The following STK32C variants were observed in gnomAD, a reference collection of about 807,000 sequenced individuals.
STK32C encodes the protein serine/threonine kinase 32C, also known as serine/threonine-protein kinase 32C.
Under a neutral mutation model 56.5 loss-of-function variants are expected in STK32C, and 31 were observed. That is an observed-to-expected ratio of 0.55 (90% CI 0.41 to 0.74). The LOEUF (loss-of-function observed/expected upper bound fraction) is 0.74, where lower values mean the gene tolerates loss of function less well. Among genes scored for constraint, STK32C ranks in the 30% least tolerant of loss-of-function variants. The pLI is 0.00. For synonymous variants in STK32C, 309 were observed against 289.4 expected, an observed-to-expected ratio of 1.07 and a Z score of -0.69; for missense variants, 544 against 676.9, an observed-to-expected ratio of 0.80 and a Z score of 2.18.
chr10:132,323,068 C>G (rs947153522), downstream of STK32C, among the ~76,000 whole-genome samples: 4 of 152,154 alleles, frequency 2.6e-5, no homozygotes, highest in Non-Finnish European at 5.9e-5. The surrounding 1 kb of genome is among the most constrained non-coding windows in gnomAD (Gnocchi z 4.8). Context: ...GTCGGACTCA[C>G]CACCCTTTCA....
chr10:132,299,519 C>T (rs1036386060), intron 1 of STK32C, among the ~76,000 whole-genome samples: 1 of 152,234 alleles, frequency 6.6e-6, no homozygotes, highest in Admixed American at 6.5e-5. Flanking sequence ...ACTGAGACCT[C>T]AGGACAAGAC....
At chr10:132,331,766 G>T in exon 1 of STK32C, 1 of 1,609,902 alleles carries the variant, frequency 6.2e-7, no homozygotes. Context: ...TCTGTGCCAG[G>T]CCGGTCGCCC....
At chr10:132,242,790 T>TG (rs1329451382) in intron 2 of STK32C, among the ~76,000 whole-genome samples, 1 of 152,216 alleles carries the variant, frequency 6.6e-6, no homozygotes, top group Non-Finnish European at 1.5e-5. Context: ...CTCCTGCCCC[T>TG]GTGCCTACTG....
chr10:132,217,765 C>T (rs2137621331), intron 10 of STK32C, among the ~76,000 whole-genome samples: 1 of 152,272 alleles, frequency 6.6e-6, no homozygotes, highest in African/African-American at 2.4e-5. Flanking sequence ...TCTCTCTTTG[C>T]CTGCCGCCAT....
rs917884645 is a variant in STK32C, at chr10:132,220,336, G to A, written c.1251+2305C>T. ...GGGGCAAGGACTGGTTTTCCTCCCC[G>A]GAGAGCCTTCAGAGGGGGCACGGCT... On this transcript the variant is annotated intron_variant, in intron 10 of 11. Transcript: ENST00000298630. 3.9e-5 allele frequency among the ~76,000 whole-genome samples: 6 copies of A among 152,244 alleles called. No individual in the cohort carries two copies. In the South Asian group the frequency reaches 6.2e-4, roughly 16 times the overall value.
chr10:132,259,098 C>T (rs1245723961), intron 1 of STK32C, among the ~76,000 whole-genome samples: 1 of 139,592 alleles, frequency 7.2e-6, no homozygotes, highest in African/African-American at 3.0e-5. Flanking sequence ...GCTGCTGCAC[C>T]GGGTACTGGG....
intron 2 of STK32C, among the ~76,000 whole-genome samples, chr10:132,233,344 T>A (rs1162747054): frequency 6.6e-6 from 1 of 152,182 alleles, no homozygotes; most frequent in Non-Finnish European, 1.5e-5. Context: ...GAGACCCCCC[T>A]GAAGCTGTTC....
At chr10:132,323,834 C>T (rs942231971), downstream of STK32C, among the ~76,000 whole-genome samples, 4 of 150,832 alleles carry the variant, frequency 2.7e-5, no homozygotes, top group African/African-American at 7.5e-5. The surrounding 1 kb of genome is among the most constrained non-coding windows in gnomAD (Gnocchi z 4.8). Context: ...CCCAAGAGAA[C>T]GGCAACAGTT....
At chr10:132,301,850 C>T (rs1286465465) in intron 1 of STK32C, among the ~76,000 whole-genome samples, 1 of 152,232 alleles carries the variant, frequency 6.6e-6, no homozygotes, top group East Asian at 1.9e-4. Flanking sequence ...TTAGAGATCC[C>T]CCTCCAGGCC....
Position 132,294,171 on chromosome 10 carries a change from G to A in STK32C, c.262+13401C>T, listed in dbSNP as rs150164942. Among the ~76,000 whole-genome samples the A allele has an allele frequency of 1.3e-4, 20 of 152,330 alleles. No homozygotes were observed. In the East Asian group the frequency reaches 3.5e-3, roughly 26 times the overall value. ...GTATTTGAACCATGAGATCACCAGC[G>A]TGTGGGTGGAGCGGGAGGTGAAAGA... On this transcript the variant is annotated intron_variant, in intron 1 of 11. Coordinates refer to ENST00000298630, the MANE Select transcript of STK32C (RefSeq NM_173575.4).
intron 2 of STK32C, among the ~76,000 whole-genome samples, chr10:132,237,030 G>A (rs1287252368): frequency 5.3e-5 from 8 of 152,298 alleles, no homozygotes; most frequent in African/African-American, 1.9e-4. Flanking sequence ...CACCCCTAAC[G>A]ACGAGGCCGG....
rs528967961 is a variant in STK32C, at chr10:132,272,931, G to C, written c.263-26976C>G. Among the ~76,000 whole-genome samples, 86 of 152,214 alleles carry C rather than the reference G, an allele frequency of 5.6e-4. 1 individual carries two copies. The highest frequency in any genetic ancestry group is 1.2e-3 in the Non-Finnish European group (79 of 68,022). Reference sequence around the variant, plus strand: ...TGCGCTCTCTGAAGCAGCCCAGTGAGCCCACCATGCGGCCTGTGCACCAAC... The same window carrying C: ...TGCGCTCTCTGAAGCAGCCCAGTGACCCCACCATGCGGCCTGTGCACCAAC... On this transcript the variant is annotated intron_variant, in intron 1 of 11. Coordinates refer to ENST00000298630, the MANE Select transcript of STK32C (RefSeq NM_173575.4).
chr10:132,323,095 T>C (rs749372157), downstream of STK32C, among the ~76,000 whole-genome samples: 6 of 152,164 alleles, frequency 3.9e-5, no homozygotes, highest in Non-Finnish European at 8.8e-5. The surrounding 1 kb of genome is among the most constrained non-coding windows in gnomAD (Gnocchi z 4.8). Flanking sequence ...GTACTATGAT[T>C]ATTTCCCTTC....
intron 1 of STK32C, among the ~76,000 whole-genome samples, chr10:132,265,541 G>A (rs879685266): frequency 2.6e-5 from 4 of 152,140 alleles, no homozygotes; most frequent in Admixed American, 2.0e-4. Context: ...AGAGACGGAG[G>A]GCAGGCCCAT....
chr10:132,229,960 TC>T (rs2137752316), intron 2 of STK32C, among the ~76,000 whole-genome samples: 1 of 152,270 alleles, frequency 6.6e-6, no homozygotes, highest in South Asian at 2.1e-4. Flanking sequence ...CCTCAGCACC[TC>T]CCTGCCCGGT....
chr10:132,243,915 C>T (rs888272310), intron 2 of STK32C, among the ~76,000 whole-genome samples: 5 of 152,212 alleles, frequency 3.3e-5, no homozygotes, highest in African/African-American at 1.2e-4. Flanking sequence ...AGGGCTTGGG[C>T]ACAGCTGAGC....
chr10:132,251,869 A>C (rs12782786), intron 1 of STK32C, among the ~76,000 whole-genome samples: 33 of 130,872 alleles, frequency 2.5e-4, no homozygotes, highest in African/African-American at 8.8e-4. Context: ...CTGGGGCCTC[A>C]GACCCTCCAC....
In STK32C at chr10:132,267,926, T is replaced by C. The variant is rs2064630489; in HGVS notation, c.263-21971A>G. Reference sequence around the variant, plus strand: ...GTGTGTGTGTGTCAGTGCGTGTGCATGCATATGCATGCAGGTTCAGCTCTA... The same window carrying C: ...GTGTGTGTGTGTCAGTGCGTGTGCACGCATATGCATGCAGGTTCAGCTCTA... On this transcript the variant is annotated intron_variant, in intron 1 of 11. Transcript: ENST00000298630. Among the ~76,000 whole-genome samples the C allele has an allele frequency of 4.1e-5, 6 of 146,786 alleles. No homozygotes were observed. In the South Asian group the frequency reaches 1.3e-3, roughly 32 times the overall value.
intron 1 of STK32C, among the ~76,000 whole-genome samples, chr10:132,266,703 G>A (rs1033521812): frequency 6.6e-6 from 1 of 151,972 alleles, no homozygotes; most frequent in Non-Finnish European, 1.5e-5. Context: ...GAACGCGGGC[G>A]TGGGTGGGGG....
Sources: gnomAD v4.1 joint callset for allele counts (sites outside exome capture counted in the v4.1 genomes callset) on GRCh38, gnomAD v4.1.1 for gene constraint, Gnocchi (gnomAD v3.1) non-coding constraint, MANE v1.5 for transcripts, NCBI Gene and HGNC (gene_info 2026-07-23, HGNC 2026-07-21) for gene names.